The following GUCY1A2 variants were observed in gnomAD, a reference collection of about 807,000 sequenced individuals.
GUCY1A2 encodes guanylate cyclase 1 soluble subunit alpha 2.
GUCY1A2 carries 27 observed loss-of-function variants against 63.5 expected under a neutral mutation model. That is an observed-to-expected ratio of 0.43 (90% CI 0.31 to 0.59). The LOEUF is 0.59. Among genes scored for constraint, GUCY1A2 ranks in the 20% least tolerant of loss-of-function variants. GUCY1A2 has a pLI of 0.11. For missense variants in GUCY1A2, 768 were observed against 913.3 expected, an observed-to-expected ratio of 0.84 and a Z score of 2.05; for synonymous variants, 364 against 343.5, an observed-to-expected ratio of 1.06 and a Z score of -0.66.
At chr11:107,015,474 T>C (rs1861807407) in intron 1 of GUCY1A2, among the ~76,000 whole-genome samples, 1 of 147,258 alleles carries the variant, frequency 6.8e-6, no homozygotes, top group Non-Finnish European at 1.5e-5. Flanking sequence ...CTACTCCTCA[T>C]GTAAGTTGTT....
intron 4 of GUCY1A2, among the ~76,000 whole-genome samples, chr11:106,815,823 G>A (rs1858823535): frequency 6.6e-6 from 1 of 151,588 alleles, no homozygotes; most frequent in South Asian, 2.1e-4. Flanking sequence ...AGGAGAAGGT[G>A]ACGTGAAGAA....
intron 6 of GUCY1A2, among the ~76,000 whole-genome samples, chr11:106,721,037 T>C (rs1863306832): frequency 6.6e-6 from 1 of 151,682 alleles, no homozygotes; most frequent in Middle Eastern, 3.4e-3. Flanking sequence ...CATATGCTTC[T>C]CCACCAATAA....
rs528620408 is a variant in GUCY1A2, at chr11:106,687,026, T to C, written c.*523A>G. 2 of 214,568 alleles carry C rather than the reference T, an allele frequency of 9.3e-6. No homozygotes were observed. The highest frequency in any genetic ancestry group is 1.4e-4 in the East Asian group (2 of 14,334). The allele number at this position is 214,568 out of a possible 1,614,324, so 13.3% of individuals were successfully genotyped here. A position where few individuals can be genotyped will look rare whatever the true frequency, so the allele number is the denominator to read the frequency against. ...TAGAAGAGATATGTATAAAAATAGG[T>C]AATATCCCTAAAATATTTTGCCGAG... is the stretch of plus-strand genomic sequence containing the variant. On this transcript the variant is annotated 3_prime_UTR_variant, in exon 8 of 8. Transcript: ENST00000526355.
intron 6 of GUCY1A2, among the ~76,000 whole-genome samples, chr11:106,709,285 A>ATATATATT (rs1381587995): frequency 5.4e-5 from 3 of 56,062 alleles, no homozygotes; most frequent in African/African-American, 3.9e-4. Context: ...ATATAAATTT[A>ATATATATT]TATATATTTA....
At chr11:106,841,210 C>A (rs1468014893) in intron 4 of GUCY1A2, among the ~76,000 whole-genome samples, 1 of 151,864 alleles carries the variant, frequency 6.6e-6, no homozygotes, top group Non-Finnish European at 1.5e-5. Context: ...CTACTGCCCC[C>A]AGCTGCCCTT....
At chr11:106,750,749 T>C (rs182648722) in intron 6 of GUCY1A2, among the ~76,000 whole-genome samples, 9 of 152,096 alleles carry the variant, frequency 5.9e-5, no homozygotes, top group Admixed American at 1.3e-4. Flanking sequence ...AAAAAAATTA[T>C]GTATTTTCAT....
intron 7 of GUCY1A2, among the ~76,000 whole-genome samples, chr11:106,694,473 G>A (rs1414452070): frequency 6.6e-6 from 1 of 152,144 alleles, no homozygotes; most frequent in Non-Finnish European, 1.5e-5. Context: ...CCTAAAATAA[G>A]ATTGACCTGA....
chr11:106,908,471 C>T (rs1860244492), intron 4 of GUCY1A2, among the ~76,000 whole-genome samples: 1 of 151,612 alleles, frequency 6.6e-6, no homozygotes, highest in Admixed American at 6.6e-5. Flanking sequence ...CAAGGATATA[C>T]CTATACATAA....
chr11:106,703,477 T>G (rs1862852236), intron 7 of GUCY1A2, among the ~76,000 whole-genome samples: 1 of 151,958 alleles, frequency 6.6e-6, no homozygotes, highest in Admixed American at 6.6e-5. Context: ...GTAAAAGATA[T>G]GTGATGATAG....
chr11:106,774,130 A>C (rs1301346761), intron 6 of GUCY1A2, among the ~76,000 whole-genome samples: 1 of 151,496 alleles, frequency 6.6e-6, no homozygotes, highest in Non-Finnish European at 1.5e-5. Context: ...AATCAATGTC[A>C]CTTTTATAAT....
At chr11:106,692,999 GT>G (rs1862652817) in intron 7 of GUCY1A2, among the ~76,000 whole-genome samples, 1 of 152,134 alleles carries the variant, frequency 6.6e-6, no homozygotes, top group Admixed American at 6.6e-5. Flanking sequence ...AAAATCTTTT[GT>G]TTGTTTCAAC....
At position 106,810,004 on chromosome 11, in the gene GUCY1A2, C is replaced by A; in HGVS notation, c.1681G>T (p.Asp561Tyr). The A allele has an allele frequency of 6.3e-7, 1 of 1,597,392 alleles. No homozygotes were observed. Among genetic ancestry groups the A allele is most frequent in the South Asian group, 1.1e-5 (1 of 90,462 alleles). The stretch of plus-strand genomic sequence containing the variant: ...CTAAACTCCCTTACCTTATAAATAT[C>A]CAAAAATCCACACTGGTGGTCAAAT... The part of the protein sequence containing the change: ...TRFDHQCGFL[D>Y]IYKVETIGDA... The change falls in exon 5 of 8, where the codon GAT becomes TAT. Residue 561 changes from aspartate to tyrosine, a missense_variant. Around this residue, in one of 3 missense-constraint regions of GUCY1A2, gnomAD observed 122 missense variants for 238.1 expected, o/e 0.51. Transcript: ENST00000526355.
intron 6 of GUCY1A2, among the ~76,000 whole-genome samples, chr11:106,745,999 T>C (rs1863780578): frequency 6.6e-6 from 1 of 152,150 alleles, no homozygotes; most frequent in African/African-American, 2.4e-5. Flanking sequence ...AAATGGCGAA[T>C]TTCCATCTTT....
rs562388821 is a variant in GUCY1A2 at position 106,689,851 on chromosome 11, C to T, written c.1992-2095G>A. Among the ~76,000 whole-genome samples, 14 of 151,910 alleles carry T rather than the reference C, an allele frequency of 9.2e-5. No homozygotes were observed. In the South Asian group the frequency reaches 1.5e-3, roughly 16 times the overall value. ...TATTAAAAATACAAAAAAAATTAGC[C>T]GGGCATGTTGGTGCGCCCCTGTAAT... is the stretch of plus-strand genomic sequence containing the variant. On this transcript the variant is annotated intron_variant, in intron 7 of 7. Transcript: ENST00000526355.
At chr11:106,812,735 C>T (rs1858779189) in intron 4 of GUCY1A2, among the ~76,000 whole-genome samples, 1 of 151,754 alleles carries the variant, frequency 6.6e-6, no homozygotes, top group Non-Finnish European at 1.5e-5. Context: ...GCAAATATGT[C>T]CTTGACTTAT....
chr11:106,826,819 A>T, intron 4 of GUCY1A2: 1 of 1,608,888 alleles, frequency 6.2e-7, no homozygotes, highest in Non-Finnish European at 8.5e-7. Flanking sequence ...TGTAGTACAG[A>T]TGTCACCGGC....
intron 5 of GUCY1A2, 21 bp downstream of exon 5, chr11:106,809,972 T>G: frequency 1.4e-6 from 2 of 1,477,002 alleles, no homozygotes; most frequent in South Asian, 2.5e-5. Context: ...CATTTATATG[T>G]AAGTAACTAA....
intron 4 of GUCY1A2, chr11:106,824,942 A>G: frequency 6.2e-7 from 1 of 1,613,368 alleles, no homozygotes; most frequent in South Asian, 1.1e-5. Context: ...AGAAAAGAAA[A>G]ATCGATGATG....
chr11:106,771,327 C>T (rs1320301584), intron 6 of GUCY1A2, among the ~76,000 whole-genome samples: 2 of 152,096 alleles, frequency 1.3e-5, no homozygotes, highest in African/African-American at 2.4e-5. Context: ...TTCAAAATAC[C>T]TTTGGGTTCA....
Sources: allele counts gnomAD v4.1 joint callset (sites outside exome capture counted in the v4.1 genomes callset), GRCh38; gene constraint gnomAD v4.1.1; regional missense constraint gnomAD v4.1.1; transcripts MANE v1.5; gene names NCBI Gene and HGNC (gene_info 2026-07-23, HGNC 2026-07-21).